The following VWA3B variants were observed in gnomAD, a reference collection of about 807,000 sequenced individuals.
VWA3B encodes von Willebrand factor A domain-containing protein 3B.
In VWA3B, 138 loss-of-function variants were observed where a neutral mutation model predicts 158.3. That is an observed-to-expected ratio of 0.87 (90% confidence interval 0.76 to 1.00). The LOEUF is 1.00. Ranked by LOEUF, VWA3B falls within the 50% of genes least tolerant of loss-of-function variation. The pLI is 0.00. For synonymous variants in VWA3B, 596 were observed against 587.3 expected, an observed-to-expected ratio of 1.01 and a Z score of -0.21; for missense variants, 1,555 against 1,565.1, an observed-to-expected ratio of 0.99 and a Z score of 0.11.
At chr2:98,312,115 C>T (rs780728753) in intron 27 of VWA3B, 83 bp downstream of exon 27, 1 of 1,612,870 alleles carries the variant, frequency 6.2e-7, no homozygotes, top group Non-Finnish European at 8.5e-7. Context: ...CACCTAACAT[C>T]GTCCTTCAGA....
chr2:98,311,346 A>C (rs1353235848), intron 26 of VWA3B, among the ~76,000 whole-genome samples: 1 of 152,234 alleles, frequency 6.6e-6, no homozygotes, highest in East Asian at 1.9e-4. Context: ...ATGTCATTAC[A>C]AATCATACCA....
chr2:98,272,926 C>T (rs1440417456), intron 22 of VWA3B, among the ~76,000 whole-genome samples: 2 of 152,126 alleles, frequency 1.3e-5, no homozygotes, highest in African/African-American at 4.8e-5. Context: ...CCATGTGATG[C>T]CTTTTGCCAG....
At chr2:98,294,783 G>A (rs113331193) in intron 23 of VWA3B, among the ~76,000 whole-genome samples, 160 of 152,298 alleles carry the variant, frequency 1.1e-3, no homozygotes, top group African/African-American at 3.5e-3. Context: ...CAGGTCAAAA[G>A]TCCTGTGTTT....
chr2:98,140,714 C>T (rs1353404652), intron 7 of VWA3B, among the ~76,000 whole-genome samples: 1 of 152,154 alleles, frequency 6.6e-6, no homozygotes, highest in Non-Finnish European at 1.5e-5. Flanking sequence ...CCACCCAGCC[C>T]CCAGCAGCTT....
intron 22 of VWA3B, among the ~76,000 whole-genome samples, chr2:98,280,582 G>A (rs953015845): frequency 2.0e-5 from 3 of 152,234 alleles, no homozygotes; most frequent in Admixed American, 1.3e-4. Flanking sequence ...CTACCAGCTG[G>A]GATGAGGCTG....
rs79937887 is a variant in VWA3B at position 98,184,684 on chromosome 2, G to A, written c.1312-3291G>A. ...CTGATTGCTTCCAGGCCTCTGAAAC[G>A]TTCCCATTGGATGCTTACCGGGGCT... On this transcript the variant is annotated intron_variant, in intron 9 of 27. Transcript: ENST00000477737. Among the ~76,000 whole-genome samples, 63 of 152,296 alleles carry A rather than the reference G, an allele frequency of 4.1e-4. 2 individuals carry two copies. The East Asian group carries it at 6.6e-3, about 16-fold the overall frequency.
At chr2:98,127,961 A>G (rs1399361015) in intron 5 of VWA3B, among the ~76,000 whole-genome samples, 1 of 152,068 alleles carries the variant, frequency 6.6e-6, no homozygotes, top group Non-Finnish European at 1.5e-5. Context: ...TGTGCGATAT[A>G]TTTGTGGCCC....
intron 7 of VWA3B, among the ~76,000 whole-genome samples, chr2:98,155,176 C>T (rs576007308): frequency 4.6e-5 from 7 of 152,350 alleles, no homozygotes; most frequent in African/African-American, 1.7e-4. Flanking sequence ...GTGGAGCCAG[C>T]AGGTGTGTCA....
At position 98,298,016 on chromosome 2, in the gene VWA3B, C is replaced by A. The variant is rs375220306; in HGVS notation, c.3267C>A (p.Pro1089=). 1 of 1,566,110 alleles carries A rather than the reference C, an allele frequency of 6.4e-7. No homozygotes were observed. The highest frequency in any genetic ancestry group is 2.4e-5 in the East Asian group (1 of 41,306). ...SFITPVGGAM[P]CPLLQVGDYV... Reference sequence around the variant, plus strand: ...TCACGCCTGTGGGGGGCGCCATGCCCTGCCCGCTGCTCCAGGTACCCAGTC... The same window carrying A: ...TCACGCCTGTGGGGGGCGCCATGCCATGCCCGCTGCTCCAGGTACCCAGTC... The change falls in exon 24 of 28, where the codon CCC becomes CCA. Residue 1089 remains proline (P), a synonymous_variant. Transcript: ENST00000477737.
At chr2:98,224,548 A>G (rs1558695439) in intron 14 of VWA3B, among the ~76,000 whole-genome samples, 3 of 152,198 alleles carry the variant, frequency 2.0e-5, no homozygotes, top group Non-Finnish European at 4.4e-5. Context: ...ACAAAGGGCT[A>G]CGTTCAAAAA....
At chr2:98,094,264 T>C (rs1682558684) in intron 2 of VWA3B, among the ~76,000 whole-genome samples, 1 of 152,176 alleles carries the variant, frequency 6.6e-6, no homozygotes, top group South Asian at 2.1e-4. Flanking sequence ...CCACCAACAG[T>C]GTGTGTGGGT....
intron 7 of VWA3B, among the ~76,000 whole-genome samples, chr2:98,162,435 G>C (rs930437764): frequency 6.6e-6 from 1 of 152,170 alleles, no homozygotes; most frequent in Non-Finnish European, 1.5e-5. Context: ...TTTCAAAGAA[G>C]CAGGACACCT....
intron 20 of VWA3B, among the ~76,000 whole-genome samples, chr2:98,252,998 T>G (rs1221105400): frequency 6.6e-6 from 1 of 152,198 alleles, no homozygotes. Flanking sequence ...TGAATTGTTA[T>G]TATTTGGTAT....
downstream of VWA3B, among the ~76,000 whole-genome samples, chr2:98,316,905 C>G (rs1691100735): frequency 6.6e-6 from 1 of 152,128 alleles, no homozygotes; most frequent in African/African-American, 2.4e-5. Context: ...TGAGGCCTCC[C>G]CAGAAGCAGA....
At chr2:98,291,557 T>A in intron 23 of VWA3B, 1 of 152,230 alleles carries the variant, frequency 6.6e-6, no homozygotes, top group Non-Finnish European at 1.5e-5. Context: ...CACTTTACCC[T>A]GAGGGCAATG....
intron 5 of VWA3B, among the ~76,000 whole-genome samples, chr2:98,123,736 C>T (rs1413620484): frequency 6.6e-6 from 1 of 152,138 alleles, no homozygotes; most frequent in Non-Finnish European, 1.5e-5. Context: ...TGGACCGGCA[C>T]AGAGTTTCTG....
At chr2:98,306,775 T>C (rs1412020299) in intron 26 of VWA3B, among the ~76,000 whole-genome samples, 4 of 152,238 alleles carry the variant, frequency 2.6e-5, no homozygotes, top group African/African-American at 9.6e-5. Context: ...TATTTAAAGC[T>C]CTTCACTGTG....
chr2:98,194,920 A>C (rs1229324264), intron 12 of VWA3B, among the ~76,000 whole-genome samples: 1 of 152,140 alleles, frequency 6.6e-6, no homozygotes, highest in Non-Finnish European at 1.5e-5. Context: ...GTACAATCTG[A>C]GTGTTTAGGA....
At chr2:98,244,567 G>A (rs1361631106) in intron 19 of VWA3B, among the ~76,000 whole-genome samples, 1 of 152,000 alleles carries the variant, frequency 6.6e-6, no homozygotes, top group Non-Finnish European at 1.5e-5. Context: ...TTTATAATAC[G>A]ATAAACTTAA....
Sources: gnomAD v4.1 joint callset for allele counts (sites outside exome capture counted in the v4.1 genomes callset) on GRCh38, gnomAD v4.1.1 for gene constraint, MANE v1.5 for transcripts, NCBI Gene and HGNC (gene_info 2026-07-23, HGNC 2026-07-21) for gene names.